Variants in CTNNA2 observed in about 807,000 individuals in gnomAD.
CTNNA2 encodes catenin alpha 2.
Under a neutral mutation model 101.0 loss-of-function variants are expected in CTNNA2, and 42 were observed. The ratio of observed to expected loss-of-function variants is 0.42; its 90% CI spans 0.32 to 0.54. CTNNA2 has a LOEUF of 0.54. Among genes scored for constraint, CTNNA2 ranks in the 20% least tolerant of loss-of-function variants. The pLI is 0.14. For synonymous variants in CTNNA2, 450 were observed against 456.4 expected (o/e 0.99, Z 0.18); for missense variants, 871 against 1,223.1 (o/e 0.71, Z 4.29).
intron 16 of CTNNA2, among the ~76,000 whole-genome samples, chr2:80,606,398 ACACACACACACACACC>A (rs796468515): frequency 0.018 from 2,289 of 124,026 alleles, 45 homozygotes; most frequent in East Asian, 0.061. Context: ...ACACACACAC[ACACACACACACACACC>A]CCCCAGGATA....
intron 2 of CTNNA2, among the ~76,000 whole-genome samples, chr2:79,226,954 A>G (rs1363285837): frequency 6.7e-6 from 1 of 148,552 alleles, no homozygotes; most frequent in Non-Finnish European, 1.5e-5. Context: ...AGCTGCTCAG[A>G]TGGAGAGCTC....
At chr2:79,950,506 T>C (rs1256824657) in intron 7 of CTNNA2, among the ~76,000 whole-genome samples, 1 of 152,246 alleles carries the variant, frequency 6.6e-6, no homozygotes, top group Non-Finnish European at 1.5e-5. Flanking sequence ...TATCTGACTT[T>C]ACGGCAGGCC....
intron 7 of CTNNA2, among the ~76,000 whole-genome samples, chr2:80,387,184 G>T (rs1573916094): frequency 6.6e-6 from 1 of 152,110 alleles, no homozygotes; most frequent in Non-Finnish European, 1.5e-5. Flanking sequence ...AGCTACTCGG[G>T]AGGCTGAGGC....
intron 9 of CTNNA2, among the ~76,000 whole-genome samples, chr2:80,539,708 T>C (rs1371235304): frequency 6.6e-6 from 1 of 152,206 alleles, no homozygotes; most frequent in Non-Finnish European, 1.5e-5. Context: ...AGATCCATTA[T>C]GCTCTCAGAA....
intron 11 of CTNNA2, among the ~76,000 whole-genome samples, chr2:80,553,365 A>C (rs1414769389): frequency 6.6e-6 from 1 of 152,146 alleles, no homozygotes; most frequent in Non-Finnish European, 1.5e-5. Context: ...TTTGTTATGG[A>C]TTTCTAGCCT....
chr2:80,232,809 A>G (rs1263254566), intron 7 of CTNNA2, among the ~76,000 whole-genome samples: 1 of 152,080 alleles, frequency 6.6e-6, no homozygotes, highest in Non-Finnish European at 1.5e-5. Flanking sequence ...TCTACTTCCT[A>G]TAACCAAACA....
intron 4 of CTNNA2, among the ~76,000 whole-genome samples, chr2:79,460,594 A>G (rs1670867689): frequency 1.3e-5 from 2 of 152,200 alleles, no homozygotes; most frequent in African/African-American, 4.8e-5. Context: ...TTCAGCCTTC[A>G]TTCCATCCTT....
At chr2:79,388,178 C>T (rs777754610) in intron 4 of CTNNA2, among the ~76,000 whole-genome samples, 30 of 152,274 alleles carry the variant, frequency 2.0e-4, no homozygotes, top group Middle Eastern at 3.4e-3. Context: ...TAGCTTAAAA[C>T]AGCAAAGGTT....
At chr2:79,465,671 G>A (rs1670925987) in intron 4 of CTNNA2, among the ~76,000 whole-genome samples, 1 of 152,076 alleles carries the variant, frequency 6.6e-6, no homozygotes, top group Admixed American at 6.6e-5. Context: ...GCAGTGGTTT[G>A]TAGCTCTCCT....
chr2:79,432,598 G>A lies in CTNNA2; in HGVS notation c.-135+58585G>A, dbSNP rs76786095. ...CCTCACCAAAGGGAGGAAGTTGGAAGTGCTGATCAGTGAGATACCACAAGG... is the reference window on the plus strand; with the variant it reads ...CCTCACCAAAGGGAGGAAGTTGGAAATGCTGATCAGTGAGATACCACAAGG... On this transcript the variant is annotated intron_variant, in intron 4 of 21. Transcript: ENST00000466387. Among the ~76,000 whole-genome samples the A allele has an allele frequency of 9.2e-3, 1,407 of 152,322 alleles. 22 individuals carry two copies. The highest frequency in any genetic ancestry group is 0.032 in the African/African-American group (1,327 of 41,564).
At chr2:80,202,593 T>C (rs1406115623) in intron 7 of CTNNA2, among the ~76,000 whole-genome samples, 1 of 152,146 alleles carries the variant, frequency 6.6e-6, no homozygotes, top group Non-Finnish European at 1.5e-5. Flanking sequence ...TCAGTAATAT[T>C]TCCATTAAGA....
rs1553373413 is a variant in CTNNA2 at position 79,818,821 on chromosome 2, T to TTTTATATATATATA, written c.299-39191_299-39190insTTATATATATATAT. On this transcript the variant is annotated intron_variant, in intron 3 of 18. Coordinates refer to ENST00000402739, the MANE Select transcript of CTNNA2 (RefSeq NM_001282597.3). ...ATATACTTCAGGATCCAAAATGCAA[T>TTTTATATATATATA]TATATATATATATATATATATATAT... Among the ~76,000 whole-genome samples, 834 of 74,134 alleles carry TTTTATATATATATA rather than the reference T, an allele frequency of 0.011. 118 individuals carry two copies. The East Asian group carries it at 0.13, about 11-fold the overall frequency. 48.6% of individuals were successfully genotyped at this position (74,134 alleles called of 152,430 possible).
chr2:80,218,293 G>A (rs1708386509), intron 7 of CTNNA2, among the ~76,000 whole-genome samples: 1 of 152,234 alleles, frequency 6.6e-6, no homozygotes, highest in Non-Finnish European at 1.5e-5. Flanking sequence ...ATGGGAAGAG[G>A]CTGAGGGGGC....
chr2:79,437,131 G>A (rs1678725059), intron 4 of CTNNA2, among the ~76,000 whole-genome samples: 1 of 152,036 alleles, frequency 6.6e-6, no homozygotes, highest in Admixed American at 6.5e-5. Context: ...TTACTTGGGA[G>A]GCTGAGGCAG....
At chr2:79,410,005 G>C (rs1328713084) in intron 4 of CTNNA2, among the ~76,000 whole-genome samples, 2 of 150,436 alleles carry the variant, frequency 1.3e-5, no homozygotes, top group African/African-American at 4.9e-5. Context: ...TCTCCTTGAA[G>C]AGGTCCTTCA....
At chr2:79,815,132 T>C (rs1677383715) in intron 3 of CTNNA2, among the ~76,000 whole-genome samples, 2 of 152,156 alleles carry the variant, frequency 1.3e-5, no homozygotes, top group South Asian at 4.1e-4. Flanking sequence ...ATTTTATTCT[T>C]ACTGAGTTGT....
At chr2:80,012,646 C>T (rs1329881960) in intron 7 of CTNNA2, among the ~76,000 whole-genome samples, 1 of 152,140 alleles carries the variant, frequency 6.6e-6, no homozygotes, top group African/African-American at 2.4e-5. Context: ...TTAAATAAAA[C>T]ATTATTTTTG....
chr2:79,321,732 G>A (rs1471432223), intron 3 of CTNNA2, among the ~76,000 whole-genome samples: 2 of 152,164 alleles, frequency 1.3e-5, no homozygotes, highest in African/African-American at 4.8e-5. Flanking sequence ...GAGTTAGAGA[G>A]CAGAGACAAG....
rs547530290 is a variant in CTNNA2, at chr2:80,602,549, T to A, written c.2190-1525T>A. ...ATCAGAAAATAGATTTTCTAAGGTC[T>A]AGAAGTTACAAAGAAATATGCAATA... On this transcript the variant is annotated intron_variant, in intron 15 of 18. Transcript: ENST00000402739. Among the ~76,000 whole-genome samples, 3 of 152,194 alleles carry A rather than the reference T, an allele frequency of 2.0e-5. No homozygotes were observed. The East Asian group carries it at 5.8e-4, about 29-fold the overall frequency.
Sources: gnomAD v4.1 joint callset for allele counts (sites outside exome capture counted in the v4.1 genomes callset) on GRCh38, gnomAD v4.1.1 for gene constraint, MANE v1.5 for transcripts, NCBI Gene and HGNC (gene_info 2026-07-23, HGNC 2026-07-21) for gene names.